Variants in KCNQ1 observed in about 807,000 individuals in gnomAD.
KCNQ1 encodes potassium voltage-gated channel subfamily Q member 1.
KCNQ1 carries 49 observed loss-of-function variants against 72.4 expected under a neutral mutation model. The ratio of observed to expected loss-of-function variants is 0.68; its 90% CI spans 0.54 to 0.86. The LOEUF is 0.86. Among genes scored for constraint, KCNQ1 ranks in the 40% least tolerant of loss-of-function variants. KCNQ1 has a pLI of 0.00. For missense variants in KCNQ1, 790 were observed against 945.1 expected (o/e 0.84, Z 2.15); for synonymous variants, 450 against 412.6 (o/e 1.09, Z -1.10).
rs182932072 is a variant in KCNQ1 at position 2,447,707 on chromosome 11, C to G, written c.386+2223C>G. ...TTGGCAATGGTGGCGGAGACAGGGC[C>G]CTGTCCTTAGGTGGATTGTGAAATG... On this transcript the variant is annotated intron_variant, in intron 1 of 15. Coordinates refer to ENST00000155840, the MANE Select transcript of KCNQ1 (RefSeq NM_000218.3). The surrounding 1 kb of genome is among the most constrained non-coding windows in gnomAD (Gnocchi z 7.6). 6.6e-6 allele frequency among the ~76,000 whole-genome samples: 1 copy of G among 152,178 alleles called. No homozygotes were observed. The highest frequency in any genetic ancestry group is 1.5e-5 in the Non-Finnish European group (1 of 68,022).
At chr11:2,681,823 T>C in intron 11 of KCNQ1, 1 of 398,494 alleles carries the variant, frequency 2.5e-6, no homozygotes, top group East Asian at 3.6e-5. Flanking sequence ...TATGGTCATA[T>C]CATCCATGCT....
rs1434016493 is a variant in KCNQ1, at chr11:2,712,074, C to T, written c.1514+49993C>T. Among the ~76,000 whole-genome samples, 1 of 152,210 alleles carries T rather than the reference C, an allele frequency of 6.6e-6. No individual in the cohort carries two copies. Among genetic ancestry groups the T allele is most frequent in the African/African-American group, 2.4e-5 (1 of 41,452 alleles). The stretch of plus-strand genomic sequence containing the variant: ...GAGAAATCGTTTCTGTGCTCCCTGC[C>T]TCCCAGAGAGCCAGGGAGAGGCCAG... On this transcript the variant is annotated intron_variant, in intron 11 of 15. Coordinates refer to ENST00000155840, the MANE Select transcript of KCNQ1 (RefSeq NM_000218.3). The surrounding 1 kb of genome is among the most constrained non-coding windows in gnomAD (Gnocchi z 6.4).
intron 10 of KCNQ1, chr11:2,615,551 C>G (rs1188522212): frequency 5.0e-6 from 2 of 397,800 alleles, no homozygotes; most frequent in Non-Finnish European, 8.9e-6. Flanking sequence ...CACAAATCCT[C>G]TTTAACACAT....
intron 2 of KCNQ1, among the ~76,000 whole-genome samples, chr11:2,529,034 T>G (rs1847563286): frequency 6.6e-6 from 1 of 152,128 alleles, no homozygotes; most frequent in African/African-American, 2.4e-5. Context: ...TGGCTGGGAG[T>G]TTCCTGGGTA....
chr11:2,585,463 G>A (rs1001820494), intron 8 of KCNQ1, among the ~76,000 whole-genome samples, 156 bp downstream of exon 8: 1 of 152,272 alleles, frequency 6.6e-6, no homozygotes, highest in East Asian at 1.9e-4. Context: ...GGCTGCTGTG[G>A]TGATGGGGTG....
rs1346341606 is a variant in KCNQ1 at position 2,683,650 on chromosome 11, T to A, written c.1514+21569T>A. 5.0e-6 allele frequency: 2 copies of A among 398,512 alleles called. No homozygotes were observed. The highest frequency in any genetic ancestry group is 4.1e-5 in the African/African-American group (2 of 48,632). The allele number at this position is 398,512 out of a possible 1,614,324, so 24.7% of individuals were successfully genotyped here. A position where few individuals can be genotyped will look rare whatever the true frequency, so the allele number is the denominator to read the frequency against. On this transcript the variant is annotated intron_variant, in intron 11 of 15. Transcript: ENST00000155840. This position sits in a 1 kb window ranked among gnomAD's most constrained non-coding sequence, Gnocchi z 4.7. ...GGCCCTGCATCTGCTGCAAGGAACATCCCTTACTTTCCCATCTCAATACAA... is the reference window on the plus strand; with the variant it reads ...GGCCCTGCATCTGCTGCAAGGAACAACCCTTACTTTCCCATCTCAATACAA...
chr11:2,807,982 G>C (rs551696378), intron 15 of KCNQ1, among the ~76,000 whole-genome samples: 1 of 152,212 alleles, frequency 6.6e-6, no homozygotes, highest in Non-Finnish European at 1.5e-5. Flanking sequence ...GTAAGGATGA[G>C]ACAGGAACGG....
Position 2,673,910 on chromosome 11 carries a change from G to A in KCNQ1, c.1514+11829G>A, listed in dbSNP as rs776879558. 7.5e-6 allele frequency: 3 copies of A among 397,918 alleles called. No homozygotes were observed. The highest frequency in any genetic ancestry group is 4.1e-5 in the African/African-American group (2 of 48,448). The allele number at this position is 397,918 out of a possible 1,614,324, so 24.6% of individuals were successfully genotyped here. A position where few individuals can be genotyped will look rare whatever the true frequency, so the allele number is the denominator to read the frequency against. On this transcript the variant is annotated intron_variant, in intron 11 of 15. Coordinates refer to ENST00000155840, the MANE Select transcript of KCNQ1 (RefSeq NM_000218.3). The surrounding 1 kb of genome is among the most constrained non-coding windows in gnomAD (Gnocchi z 4.5). ...GGAAGGGATGGGAGCTCAGCTCACC[G>A]GGTGCTAGACAAGGGAGTGTGTCTC...
chr11:2,841,723 G>A (rs570776410), intron 15 of KCNQ1, among the ~76,000 whole-genome samples: 25 of 152,358 alleles, frequency 1.6e-4, no homozygotes, highest in African/African-American at 4.3e-4. Flanking sequence ...AACGAGGGTC[G>A]TGTGGTGACG....
At chr11:2,667,792 G>A (rs1437830519) in intron 11 of KCNQ1, 4 of 398,590 alleles carry the variant, frequency 1.0e-5, no homozygotes, top group Non-Finnish European at 1.8e-5. Flanking sequence ...ACCTAATTAG[G>A]CTCACCTGGG....
At chr11:2,596,484 A>T (rs1353618834) in intron 10 of KCNQ1, among the ~76,000 whole-genome samples, 2 of 152,172 alleles carry the variant, frequency 1.3e-5, no homozygotes, top group Non-Finnish European at 2.9e-5. Flanking sequence ...GTTGTAGTAT[A>T]TTCCTAAAAT....
chr11:2,682,695 G>A lies in KCNQ1; in HGVS notation c.1514+20614G>A. On this transcript the variant is annotated intron_variant, in intron 11 of 15. Coordinates refer to ENST00000155840, the MANE Select transcript of KCNQ1 (RefSeq NM_000218.3). The surrounding 1 kb of genome is among the most constrained non-coding windows in gnomAD (Gnocchi z 5.8). ...TTGTCCATAGAAGCTGGGGTCCAAA[G>A]TTGACCAGAATATCTCTAGTCATAA... 7.5e-6 allele frequency: 3 copies of A among 398,610 alleles called. No individual in the cohort carries two copies. Among genetic ancestry groups the A allele is most frequent in the South Asian group, 1.3e-4 (1 of 7,852 alleles). The allele number at this position is 398,610 out of a possible 1,614,324, so 24.7% of individuals were successfully genotyped here. A position where few individuals can be genotyped will look rare whatever the true frequency, so the allele number is the denominator to read the frequency against.
intron 15 of KCNQ1, among the ~76,000 whole-genome samples, chr11:2,793,757 C>G (rs1004023758): frequency 1.3e-5 from 2 of 152,226 alleles, no homozygotes; most frequent in African/African-American, 4.8e-5. Flanking sequence ...TTTATTCATT[C>G]ACCTTGTGCC....
At chr11:2,753,444 G>A (rs1359562608) in intron 11 of KCNQ1, among the ~76,000 whole-genome samples, 2 of 152,160 alleles carry the variant, frequency 1.3e-5, no homozygotes, top group African/African-American at 4.8e-5. Context: ...CATGTGCCCT[G>A]GGCAGAGCCA....
chr11:2,613,075 C>A lies in KCNQ1; in HGVS notation c.1393+24221C>A, dbSNP rs188619891. On this transcript the variant is annotated intron_variant, in intron 10 of 15. Transcript: ENST00000155840. The surrounding 1 kb of genome is among the most constrained non-coding windows in gnomAD (Gnocchi z 4.8). ...CCCTGGATCAGCATAACCTAGTGGT[C>A]AAGCCATGATTAGTCAGACATTTGT... 2.5e-6 allele frequency: 1 copy of A among 398,542 alleles called. No individual in the cohort carries two copies. Among genetic ancestry groups the A allele is most frequent in the South Asian group, 1.3e-4 (1 of 7,834 alleles). 24.7% of individuals were successfully genotyped at this position (398,542 alleles called of 1,614,324 possible).
chr11:2,774,774 G>A (rs539525656), intron 12 of KCNQ1, among the ~76,000 whole-genome samples: 4 of 152,264 alleles, frequency 2.6e-5, no homozygotes, highest in African/African-American at 9.6e-5. Context: ...TCAGATTAAG[G>A]TCACCCTGGT....
chr11:2,669,033 C>T lies in KCNQ1; in HGVS notation c.1514+6952C>T. On this transcript the variant is annotated intron_variant, in intron 11 of 15. Coordinates refer to ENST00000155840, the MANE Select transcript of KCNQ1 (RefSeq NM_000218.3). The surrounding 1 kb of genome is among the most constrained non-coding windows in gnomAD (Gnocchi z 5.6). ...TACTTGGATATCCAGTCTAGCTCAG[C>T]ACCCGGCATGGGAAGGCCCGTCCTC... The T allele has an allele frequency of 2.5e-6, 1 of 398,712 alleles. No homozygotes were observed. Among genetic ancestry groups the T allele is most frequent in the East Asian group, 3.6e-5 (1 of 28,086 alleles). 24.7% of individuals were successfully genotyped at this position (398,712 alleles called of 1,614,324 possible). A position where few individuals can be genotyped will look rare whatever the true frequency, so the allele number is the denominator to read the frequency against.
intron 10 of KCNQ1, among the ~76,000 whole-genome samples, chr11:2,590,980 TATG>T (rs1848663428): frequency 6.6e-6 from 1 of 152,246 alleles, no homozygotes; most frequent in African/African-American, 2.4e-5. Flanking sequence ...ATCCAAGTAA[TATG>T]ATCCATTCCC....
chr11:2,650,837 G>A (rs944854489), intron 10 of KCNQ1: 9 of 398,476 alleles, frequency 2.3e-5, no homozygotes, highest in Non-Finnish European at 4.0e-5. Flanking sequence ...CTGATTTTAT[G>A]CTTTTAGGGG....
Sources: allele counts gnomAD v4.1 joint callset (sites outside exome capture counted in the v4.1 genomes callset), GRCh38; gene constraint gnomAD v4.1.1; non-coding constraint Gnocchi (gnomAD v3.1); transcripts MANE v1.5; gene names NCBI Gene and HGNC (gene_info 2026-07-23, HGNC 2026-07-21).